Variants in OGFOD3 observed in about 807,000 individuals in gnomAD.
The protein encoded by OGFOD3 is 2-oxoglutarate and iron dependent oxygenase domain containing 3.
OGFOD3 carries 35 observed loss-of-function variants against 39.8 expected under a neutral mutation model. The ratio of observed to expected loss-of-function variants is 0.88; its 90% CI spans 0.67 to 1.17. The LOEUF is 1.17. Among genes scored for constraint, OGFOD3 ranks in the 50% most tolerant of loss-of-function variants. The pLI, the probability that OGFOD3 is intolerant of heterozygous loss-of-function variation, is 0.00. For synonymous variants in OGFOD3, 200 were observed against 192.0 expected (o/e 1.04, Z -0.34); for missense variants, 438 against 454.5 (o/e 0.96, Z 0.33).
chr17:82,418,240 C>T (rs1177425982), intron 1 of OGFOD3, 172 bp downstream of exon 1: 2 of 441,126 alleles, frequency 4.5e-6, no homozygotes, highest in African/African-American at 2.1e-5. Context: ...ACCTGCCCTG[C>T]TCCCAGCATG....
chr17:82,406,493 C>A lies in OGFOD3; in HGVS notation c.424-11G>T. ...GTCCAGAATGGATGCCTGGAAAAGA[C>A]GTTGTGGAGTAAAGCGTGCAGCCGC... is the stretch of plus-strand genomic sequence containing the variant. On this transcript the variant is annotated splice_polypyrimidine_tract_variant and intron_variant, in intron 4 of 8. Coordinates refer to ENST00000313056, the MANE Select transcript of OGFOD3 (RefSeq NM_024648.3). This position sits in a 1 kb window ranked among gnomAD's most constrained non-coding sequence, Gnocchi z 5.2. 6.2e-7 allele frequency: 1 copy of A among 1,613,522 alleles called. No individual in the cohort carries two copies. Among genetic ancestry groups the A allele is most frequent in the Non-Finnish European group, 8.5e-7 (1 of 1,179,462 alleles).
Position 82,406,191 on chromosome 17 carries a change from T to C in OGFOD3, c.488+227A>G, listed in dbSNP as rs2143254018. ...AACACCAGATTCCCCTAAAGCTTCA[T>C]GAACAAGCCCCCTGCCCACAGGCTG... On this transcript the variant is annotated intron_variant, in intron 5 of 8. Transcript: ENST00000313056. This position sits in a 1 kb window ranked among gnomAD's most constrained non-coding sequence, Gnocchi z 5.2. Among the ~76,000 whole-genome samples, 1 of 152,240 alleles carries C rather than the reference T, an allele frequency of 6.6e-6. No individual in the cohort carries two copies. Among genetic ancestry groups the C allele is most frequent in the Middle Eastern group, 3.4e-3 (1 of 294 alleles).
chr17:82,395,272 T>C (rs537897200), intron 8 of OGFOD3, among the ~76,000 whole-genome samples: 27 of 152,280 alleles, frequency 1.8e-4, no homozygotes, highest in Non-Finnish European at 3.7e-4. Flanking sequence ...GCTCAAACGA[T>C]CTGCCTGCCT....
At chr17:82,411,331 G>T in intron 3 of OGFOD3, 124 bp downstream of exon 3, 1 of 829,548 alleles carries the variant, frequency 1.2e-6, no homozygotes, top group Non-Finnish European at 1.9e-6. Flanking sequence ...ACAGGCGTGA[G>T]CCACCACGCC....
rs776171845 is a variant in OGFOD3, at chr17:82,404,069, C to T, written c.567G>A (p.Gln189=). 3 of 1,602,264 alleles carry T rather than the reference C, an allele frequency of 1.9e-6. No homozygotes were observed. The East Asian group carries it at 6.7e-5, about 36-fold the overall frequency. The change falls in exon 7 of 9, where the codon CAG becomes CAA. Residue 189 remains glutamine, a synonymous_variant. Transcript: ENST00000313056. This position sits in a 1 kb window ranked among gnomAD's most constrained non-coding sequence, Gnocchi z 4.5. ...RLYREVRQKV[Q]LTIAEAFGIS... ...TGCCAAAAGCCTCAGCAATGGTGAG[C>T]TGGACCTTCTGCCGCACCTCCCTGC...
rs541632226 is a variant in OGFOD3, at chr17:82,415,734, T to C, written c.75-107A>G. 523 of 997,982 alleles carry C rather than the reference T, an allele frequency of 5.2e-4. 3 individuals carry two copies. In the South Asian group the frequency reaches 6.9e-3, roughly 13 times the overall value. The allele number at this position is 997,982 out of a possible 1,614,324, so 61.8% of individuals were successfully genotyped here. ...CCATGACCCGGCCTTCACTCACACGTCACCCCTGAAACGAGGGCTTCCTGC... is the reference window on the plus strand; with the variant it reads ...CCATGACCCGGCCTTCACTCACACGCCACCCCTGAAACGAGGGCTTCCTGC... On this transcript the variant is annotated intron_variant, in intron 1 of 8. Transcript: ENST00000313056. The surrounding 1 kb of genome is among the most constrained non-coding windows in gnomAD (Gnocchi z 5.3).
chr17:82,412,199 CCT>C (rs1372798529), intron 2 of OGFOD3, among the ~76,000 whole-genome samples: 1 of 152,196 alleles, frequency 6.6e-6, no homozygotes, highest in African/African-American at 2.4e-5. Flanking sequence ...CGCACATGCC[CCT>C]GTCTCTCCCC....
chr17:82,397,833 G>T (rs999029467), intron 8 of OGFOD3, among the ~76,000 whole-genome samples: 4 of 152,082 alleles, frequency 2.6e-5, no homozygotes, highest in African/African-American at 9.7e-5. Context: ...CTAATCTTAG[G>T]TTGCGAGTCT....
chr17:82,398,181 GC>G lies in OGFOD3; in HGVS notation c.823+14del. ...GCCAGGAGCCCCACGCCCAGGCCCC[GC>G]CCGCGCCTCCTACCAGCTCTCGGCT... On this transcript the variant is annotated intron_variant, in intron 8 of 8. Transcript: ENST00000313056. 1 of 1,613,676 alleles carries G rather than the reference GC, an allele frequency of 6.2e-7. No individual in the cohort carries two copies. The highest frequency in any genetic ancestry group is 8.5e-7 in the Non-Finnish European group (1 of 1,179,806).
Position 82,415,504 on chromosome 17 carries a change from G to C in OGFOD3, c.198C>G (p.Ala66=). 3 of 1,613,618 alleles carry C rather than the reference G, an allele frequency of 1.9e-6. No homozygotes were observed. The highest frequency in any genetic ancestry group is 2.5e-6 in the Non-Finnish European group (3 of 1,179,942). The change falls in exon 2 of 9, where the codon GCC becomes GCG. Residue 66 remains alanine, a synonymous_variant. Coordinates refer to ENST00000313056, the MANE Select transcript of OGFOD3 (RefSeq NM_024648.3). The surrounding 1 kb of genome is among the most constrained non-coding windows in gnomAD (Gnocchi z 5.3). ...CCAGGACCTCTGCGACCCCGTCGTC[G>C]GCCCCCAAGCTGCTCCAGAGCAGGA... The part of the protein sequence containing the change: ...TALLLWSSLG[A]DDGVAEVLAR...
At position 82,390,213 on chromosome 17, in the gene OGFOD3, G is replaced by C. The variant is rs1340153438; in HGVS notation, c.*2185C>G. The C allele has an allele frequency of 6.6e-6, 1 of 152,232 alleles. No homozygotes were observed. Among genetic ancestry groups the C allele is most frequent in the Non-Finnish European group, 1.5e-5 (1 of 68,064 alleles). 9.4% of individuals were successfully genotyped at this position (152,232 alleles called of 1,614,324 possible). A position where few individuals can be genotyped will look rare whatever the true frequency, so the allele number is the denominator to read the frequency against. On this transcript the variant is annotated 3_prime_UTR_variant, in exon 9 of 9. Coordinates refer to ENST00000313056, the MANE Select transcript of OGFOD3 (RefSeq NM_024648.3). This position sits in a 1 kb window ranked among gnomAD's most constrained non-coding sequence, Gnocchi z 4.9. ...CAAATGCATTTATCCTTTAGACGTG[G>C]CGAGAAGCCGGCGACATCATCATTT... is the stretch of plus-strand genomic sequence containing the variant.
At chr17:82,405,686 G>A (rs574467410) in intron 5 of OGFOD3, among the ~76,000 whole-genome samples, 6 of 150,808 alleles carry the variant, frequency 4.0e-5, no homozygotes, top group Non-Finnish European at 7.4e-5. Flanking sequence ...ATGGTGGTGC[G>A]TGCCTGTAAC....
rs2052605897 is a variant in OGFOD3 at position 82,392,248 on chromosome 17, G to A, written c.*150C>T. 4.6e-6 allele frequency: 4 copies of A among 861,852 alleles called. No homozygotes were observed. In the African/African-American group the frequency reaches 6.8e-5, roughly 15 times the overall value. The allele number at this position is 861,852 out of a possible 1,614,324, so 53.4% of individuals were successfully genotyped here. On this transcript the variant is annotated 3_prime_UTR_variant, in exon 9 of 9. Transcript: ENST00000313056. This position sits in a 1 kb window ranked among gnomAD's most constrained non-coding sequence, Gnocchi z 4.2. Reference sequence around the variant, plus strand: ...AGCTGGTTCCCTTCATTTACTCACAGATGAAAAGATTAACACGTCAGCAAA... The same window carrying A: ...AGCTGGTTCCCTTCATTTACTCACAAATGAAAAGATTAACACGTCAGCAAA...
At chr17:82,416,446 C>G (rs2053038358) in intron 1 of OGFOD3, among the ~76,000 whole-genome samples, 1 of 152,066 alleles carries the variant, frequency 6.6e-6, no homozygotes, top group South Asian at 2.1e-4. Context: ...AAGGTTGTTT[C>G]CAGGGTGGGG....
chr17:82,401,826 A>AAAAAAAAAAAAAAACAC (rs2052771557), intron 7 of OGFOD3, among the ~76,000 whole-genome samples: 1 of 149,054 alleles, frequency 6.7e-6, no homozygotes, highest in African/African-American at 2.5e-5. Flanking sequence ...AAAAAAAACA[A>AAAAAAAAAAAAAAACAC]AGACTGCCCT....
chr17:82,402,537 A>T (rs1229316342), intron 7 of OGFOD3, among the ~76,000 whole-genome samples: 1 of 152,146 alleles, frequency 6.6e-6, no homozygotes, highest in Non-Finnish European at 1.5e-5. Context: ...ACCTGAGGTC[A>T]GGAGTTTAAG....
At position 82,406,571 on chromosome 17, in the gene OGFOD3, GTCTGGCCAGCACACACCTCAGGTGTTTT is replaced by G. The variant is rs2052859499; in HGVS notation, c.424-117_424-90del. 1 of 1,134,676 alleles carries G rather than the reference GTCTGGCCAGCACACACCTCAGGTGTTTT, an allele frequency of 8.8e-7. No homozygotes were observed. Among genetic ancestry groups the G allele is most frequent in the Non-Finnish European group, 1.3e-6 (1 of 748,408 alleles). 70.3% of individuals were successfully genotyped at this position (1,134,676 alleles called of 1,614,324 possible). A position where few individuals can be genotyped will look rare whatever the true frequency, so the allele number is the denominator to read the frequency against. On this transcript the variant is annotated intron_variant, in intron 4 of 8. Transcript: ENST00000313056. This position sits in a 1 kb window ranked among gnomAD's most constrained non-coding sequence, Gnocchi z 5.2. ...TGGATGGTAAATGCGAGTTTCCAAG[GTCTGGCCAGCACACACCTCAGGTGTTTT>G]TTTGTTTTTGTTTTTGTTTTTTGTA...
chr17:82,404,254 A>G lies in OGFOD3; in HGVS notation c.546-164T>C, dbSNP rs1466023625. Among the ~76,000 whole-genome samples, 1 of 152,154 alleles carries G rather than the reference A, an allele frequency of 6.6e-6. No individual in the cohort carries two copies. The highest frequency in any genetic ancestry group is 2.4e-5 in the African/African-American group (1 of 41,456). The stretch of plus-strand genomic sequence containing the variant: ...GAACAGATACCGGCTCCGCCTGGGA[A>G]CGACGCGGCCCACAGCCCACGCACA... On this transcript the variant is annotated intron_variant, in intron 6 of 8. Transcript: ENST00000313056. This position sits in a 1 kb window ranked among gnomAD's most constrained non-coding sequence, Gnocchi z 4.5.
rs2052676405 is a variant in OGFOD3, at chr17:82,396,525, G to T, written c.823+1671C>A. 4 of 152,316 alleles carry T rather than the reference G, an allele frequency of 2.6e-5. No homozygotes were observed. The South Asian group carries it at 8.3e-4, about 32-fold the overall frequency. The allele number at this position is 152,316 out of a possible 1,614,324, so 9.4% of individuals were successfully genotyped here. On this transcript the variant is annotated intron_variant, in intron 8 of 8. Transcript: ENST00000313056. The stretch of plus-strand genomic sequence containing the variant: ...ACATCAAATCACAGGTAAACACATA[G>T]ATACAATTAGACAGACACATGCAGG...
Sources: allele counts gnomAD v4.1 joint callset (sites outside exome capture counted in the v4.1 genomes callset), GRCh38; gene constraint gnomAD v4.1.1; non-coding constraint Gnocchi (gnomAD v3.1); transcripts MANE v1.5; gene names NCBI Gene and HGNC (gene_info 2026-07-23, HGNC 2026-07-21).